PTP4A1: variants seen among roughly 807,000 people sequenced by gnomAD.
The protein encoded by PTP4A1 is protein tyrosine phosphatase 4A1.
A neutral mutation model predicts 20.5 loss-of-function variants in PTP4A1; 9 were observed. That is an observed-to-expected ratio of 0.44 (90% CI 0.26 to 0.77). The LOEUF is 0.77. Ranked by LOEUF, PTP4A1 falls within the 30% of genes least tolerant of loss-of-function variation. PTP4A1 has a pLI of 0.19. For synonymous variants in PTP4A1, 78 were observed against 67.4 expected, an observed-to-expected ratio of 1.16 and a Z score of -0.77; for missense variants, 137 against 218.8, an observed-to-expected ratio of 0.63 and a Z score of 2.36.
chr6:63,580,789 T>C lies in PTP4A1; in HGVS notation c.*615T>C, dbSNP rs1477430865. The C allele has an allele frequency of 6.6e-6, 1 of 152,408 alleles. No individual in the cohort carries two copies. The highest frequency in any genetic ancestry group is 6.6e-5 in the Admixed American group (1 of 15,238). The allele number at this position is 152,408 out of a possible 1,614,324, so 9.4% of individuals were successfully genotyped here. The stretch of plus-strand genomic sequence containing the variant: ...TTTTACGTGTTTCCATGTATCTCAC[T>C]TTGTGCTGTATTAAAAAAACCTCCA... On this transcript the variant is annotated 3_prime_UTR_variant, in exon 6 of 6. Coordinates refer to ENST00000626021, the MANE Select transcript of PTP4A1 (RefSeq NM_003463.5).
intron 2 of PTP4A1, among the ~76,000 whole-genome samples, chr6:63,546,632 G>T (rs554570878): frequency 6.6e-6 from 1 of 152,232 alleles, no homozygotes; most frequent in East Asian, 1.9e-4. Context: ...CTCAAACCAG[G>T]GAGGCAGAGG....
At chr6:63,556,315 A>C (rs1776685160) in intron 3 of PTP4A1, among the ~76,000 whole-genome samples, 1 of 151,036 alleles carries the variant, frequency 6.6e-6, no homozygotes, top group African/African-American at 2.4e-5. Flanking sequence ...TATAACATCA[A>C]ACTTGGTTTT....
Position 63,579,269 on chromosome 6 carries a change from T to A in PTP4A1, c.342T>A (p.Leu114=). 1 of 1,611,080 alleles carries A rather than the reference T, an allele frequency of 6.2e-7. No individual in the cohort carries two copies. The highest frequency in any genetic ancestry group is 8.5e-7 in the Non-Finnish European group (1 of 1,178,438). The part of the protein sequence containing the change: ...CVAGLGRAPV[L]VALALIEGGM... Reference sequence around the variant, plus strand: ...CTTACCTCACCAGAGCTCCAGTACTTGTTGCCCTAGCATTAATTGAAGGTG... The same window carrying A: ...CTTACCTCACCAGAGCTCCAGTACTAGTTGCCCTAGCATTAATTGAAGGTG... The change falls in exon 5 of 6, where the codon CTT becomes CTA. Residue 114 remains leucine (L), a synonymous_variant. Coordinates refer to ENST00000626021, the MANE Select transcript of PTP4A1 (RefSeq NM_003463.5).
At chr6:63,516,692 C>A in the PTP4A1 span, among the ~76,000 whole-genome samples, 1 of 152,236 alleles carries the variant, frequency 6.6e-6, no homozygotes, top group South Asian at 2.1e-4. Flanking sequence ...GGAAAAAAAT[C>A]TCTTTTACAA....
intron 3 of PTP4A1, among the ~76,000 whole-genome samples, chr6:63,567,234 T>C (rs1239894709): frequency 6.6e-6 from 1 of 152,240 alleles, no homozygotes; most frequent in Non-Finnish European, 1.5e-5. Context: ...TTCCAGAATG[T>C]TTTTGGTTTA....
At chr6:63,567,447 T>C (rs534384339) in intron 3 of PTP4A1, among the ~76,000 whole-genome samples, 9 of 152,338 alleles carry the variant, frequency 5.9e-5, no homozygotes, top group Admixed American at 1.3e-4. Context: ...ATGTGCATTG[T>C]CAAGGAGCAA....
chr6:63,527,820 G>T (rs577092662), exon 2 of PTP4A1: 1 of 152,202 alleles, frequency 6.6e-6, no homozygotes, highest in Non-Finnish European at 1.5e-5. Flanking sequence ...CCTCTGCAGA[G>T]ACTTGCTTCA....
chr6:63,577,577 G>A (rs992084966), intron 2 of PTP4A1, among the ~76,000 whole-genome samples: 36 of 151,760 alleles, frequency 2.4e-4, no homozygotes, highest in African/African-American at 8.7e-4. Context: ...CTTTTTTTGA[G>A]ATGGAGTCTC....
Position 63,574,674 on chromosome 6 carries a change from AG to A in PTP4A1, c.-445-1761del, listed in dbSNP as rs141581696. ...GTGGTGTGAAATACTGCCTCAAATTAGCTTTTAATTGAAAAAAAGGTAATAC... is the reference window on the plus strand; with the variant it reads ...GTGGTGTGAAATACTGCCTCAAATTACTTTTAATTGAAAAAAAGGTAATAC... On this transcript the variant is annotated intron_variant, in intron 1 of 5. Transcript: ENST00000626021. Among the ~76,000 whole-genome samples the A allele has an allele frequency of 1.1e-3, 160 of 152,324 alleles. 3 individuals are homozygous for A. In the East Asian group the frequency reaches 0.024, roughly 23 times the overall value.
Position 63,575,280 on chromosome 6 carries a change from G to A in PTP4A1, c.-445-1156G>A, listed in dbSNP as rs547153627. Among the ~76,000 whole-genome samples the A allele has an allele frequency of 3.3e-5, 5 of 152,248 alleles. No individual in the cohort carries two copies. In the South Asian group the frequency reaches 8.3e-4, roughly 25 times the overall value. ...ATGAGAGTACACATGAAGTGCTTGA[G>A]GCAGTGACTATGAATTACTGCTCTT... On this transcript the variant is annotated intron_variant, in intron 1 of 5. Transcript: ENST00000626021.
intron 2 of PTP4A1, among the ~76,000 whole-genome samples, chr6:63,547,573 T>G (rs1384642885): frequency 6.8e-6 from 1 of 146,884 alleles, no homozygotes; most frequent in Non-Finnish European, 1.5e-5. Context: ...TGGTACGATC[T>G]TGGCTCACTG....
intron 2 of PTP4A1, among the ~76,000 whole-genome samples, chr6:63,535,311 A>C (rs1216855711): frequency 1.3e-5 from 2 of 152,118 alleles, no homozygotes; most frequent in Non-Finnish European, 2.9e-5. Flanking sequence ...CTAAAAATAC[A>C]AAAAATAAGC....
At chr6:63,555,390 A>T (rs1776635498) in intron 3 of PTP4A1, among the ~76,000 whole-genome samples, 1 of 152,334 alleles carries the variant, frequency 6.6e-6, no homozygotes, top group East Asian at 1.9e-4. Context: ...GACTAATAGG[A>T]AGGAAAATCC....
intron 2 of PTP4A1, among the ~76,000 whole-genome samples, chr6:63,536,365 G>C (rs1050995062): frequency 6.6e-6 from 1 of 152,044 alleles, no homozygotes; most frequent in Non-Finnish European, 1.5e-5. Context: ...AAAATCAATA[G>C]CTATATTTAA....
At chr6:63,558,736 T>C (rs1776796664) in intron 3 of PTP4A1, among the ~76,000 whole-genome samples, 1 of 152,168 alleles carries the variant, frequency 6.6e-6, no homozygotes, top group African/African-American at 2.4e-5. Flanking sequence ...AATTGTAAAG[T>C]GTATAAGAAT....
rs540670889 is a variant in PTP4A1, at chr6:63,524,403, C to T, written c.-906+2577C>T. 5.9e-5 allele frequency among the ~76,000 whole-genome samples: 9 copies of T among 152,160 alleles called. No homozygotes were observed. The South Asian group carries it at 1.9e-3, about 32-fold the overall frequency. ...AAGACCAGTACCTTCTCAAAACTGC[C>T]ACAGCAGATGAATTTCTTCTAAGAG... On this transcript the variant is annotated intron_variant, in intron 1 of 3. Coordinates refer to the PTP4A1 transcript ENST00000639568.
intron 2 of PTP4A1, among the ~76,000 whole-genome samples, chr6:63,538,708 C>T (rs1008585675): frequency 2.0e-5 from 3 of 152,060 alleles, no homozygotes; most frequent in African/African-American, 7.2e-5. Flanking sequence ...TAGTTCAAAA[C>T]ATTTAGCTGT....
chr6:63,556,178 GATTT>G (rs1776678267), intron 3 of PTP4A1, among the ~76,000 whole-genome samples: 1 of 151,990 alleles, frequency 6.6e-6, no homozygotes, highest in Non-Finnish European at 1.5e-5. Flanking sequence ...TTTTTACTGT[GATTT>G]ATTTATTTTG....
At chr6:63,552,793 A>T (rs933290162) in intron 3 of PTP4A1, among the ~76,000 whole-genome samples, 2 of 151,994 alleles carry the variant, frequency 1.3e-5, no homozygotes, top group East Asian at 1.9e-4. Context: ...AAATAGGGAA[A>T]CCTTTCCCCA....
Sources: gnomAD v4.1 joint callset for allele counts (sites outside exome capture counted in the v4.1 genomes callset) on GRCh38, gnomAD v4.1.1 for gene constraint, MANE v1.5 for transcripts, NCBI Gene and HGNC (gene_info 2026-07-23, HGNC 2026-07-21) for gene names.